Variants in DPP10 observed in about 807,000 individuals in gnomAD.
DPP10 encodes the protein dipeptidyl peptidase like 10.
DPP10 carries 33 observed loss-of-function variants against 120.9 expected under a neutral mutation model. The observed-to-expected ratio is 0.27, with a 90% CI of 0.21 to 0.37. The LOEUF (loss-of-function observed/expected upper bound fraction) is 0.37, where lower values mean the gene tolerates loss of function less well. Ranked by LOEUF, DPP10 falls within the 10% of genes least tolerant of loss-of-function variation. The probability of loss-of-function intolerance (pLI) is 1.00; values close to 1 mark genes in which losing one functional copy is unlikely to be tolerated. For missense variants in DPP10, 816 were observed against 942.8 expected (o/e 0.87, Z 1.76); for synonymous variants, 337 against 326.1 (o/e 1.03, Z -0.36).
chr2:114,964,815 A>C (rs987486211), intron 1 of DPP10, among the ~76,000 whole-genome samples: 2 of 152,212 alleles, frequency 1.3e-5, no homozygotes, highest in African/African-American at 4.8e-5. Context: ...AGTTTGTTAC[A>C]TTGAGAATAG....
chr2:115,313,773 G>C (rs1032688788), intron 2 of DPP10, among the ~76,000 whole-genome samples: 3 of 152,142 alleles, frequency 2.0e-5, no homozygotes, highest in Non-Finnish European at 2.9e-5. Flanking sequence ...TATTTTTGAA[G>C]AATAGGCTAT....
chr2:115,312,261 C>A (rs2061609388), intron 2 of DPP10, among the ~76,000 whole-genome samples: 1 of 152,084 alleles, frequency 6.6e-6, no homozygotes, highest in Admixed American at 6.6e-5. Context: ...AAACTCAATG[C>A]CCTCAAGTGC....
At chr2:114,659,295 G>C (rs1027234840) in intron 1 of DPP10, among the ~76,000 whole-genome samples, 37 of 151,844 alleles carry the variant, frequency 2.4e-4, no homozygotes, top group Admixed American at 2.4e-3. Flanking sequence ...TATGAGAAGA[G>C]GCCGTGGATA....
rs761539475 is a variant in DPP10 at position 115,117,809 on chromosome 2, C to T, written c.61-191430C>T. 1.1e-4 allele frequency among the ~76,000 whole-genome samples: 16 copies of T among 152,114 alleles called. 1 individual carries two copies. In the Middle Eastern group the frequency reaches 0.02, roughly 194 times the overall value. On this transcript the variant is annotated intron_variant, in intron 1 of 25. Coordinates refer to ENST00000410059, the MANE Select transcript of DPP10 (RefSeq NM_020868.6). ...CAACTAGACAAGGAACCTTAAGGGTCGGGGAGGGGAGGAAATACTTGGATG... is the reference window on the plus strand; with the variant it reads ...CAACTAGACAAGGAACCTTAAGGGTTGGGGAGGGGAGGAAATACTTGGATG...
chr2:115,085,610 G>C (rs1043893951), intron 1 of DPP10, among the ~76,000 whole-genome samples: 2 of 152,132 alleles, frequency 1.3e-5, no homozygotes, highest in Admixed American at 1.3e-4. Context: ...GCAGGTAGTG[G>C]CCAGTGCCAC....
chr2:115,369,027 C>G (rs1163922286), intron 3 of DPP10, among the ~76,000 whole-genome samples: 3 of 151,890 alleles, frequency 2.0e-5, no homozygotes, highest in Non-Finnish European at 4.4e-5. Context: ...AGGATAGGCT[C>G]TGCATATATT....
At chr2:115,133,129 GTGTGTGTGTGTGTGTGTATATA>G (rs1166214651) in intron 1 of DPP10, among the ~76,000 whole-genome samples, 1 of 61,828 alleles carries the variant, frequency 1.6e-5, no homozygotes, top group Non-Finnish European at 3.0e-5. Flanking sequence ...GTGTGTGTGT[GTGTGTGTGTGTGTGTGTATATA>G]TATATATATA....
chr2:114,529,675 C>A (rs908517954), intron 1 of DPP10, among the ~76,000 whole-genome samples: 6 of 152,122 alleles, frequency 3.9e-5, no homozygotes, highest in African/African-American at 4.8e-5. Context: ...GTGTTACATT[C>A]CTTTTTAAAA....
chr2:114,999,252 G>C (rs62164470), intron 1 of DPP10, among the ~76,000 whole-genome samples: 35,180 of 152,046 alleles, frequency 0.23, 4,809 homozygotes, highest in Non-Finnish European at 0.3. Context: ...AGAGAGATCT[G>C]TAGTTTTGAG....
chr2:115,488,892 AAAAAAAAAT>A (rs1320208684), intron 3 of DPP10, among the ~76,000 whole-genome samples: 2 of 151,406 alleles, frequency 1.3e-5, no homozygotes, highest in Admixed American at 6.6e-5. Flanking sequence ...AAAAAAAAAA[AAAAAAAAAT>A]ATGTATCTCT....
At chr2:115,455,728 A>G (rs2073475421) in intron 3 of DPP10, among the ~76,000 whole-genome samples, 2 of 152,154 alleles carry the variant, frequency 1.3e-5, no homozygotes, top group South Asian at 4.1e-4. Context: ...AGAATTCCCT[A>G]TTTAATAAAT....
chr2:115,367,627 AT>A (rs1243853490), intron 3 of DPP10, among the ~76,000 whole-genome samples: 1 of 152,016 alleles, frequency 6.6e-6, no homozygotes, highest in East Asian at 1.9e-4. Flanking sequence ...AGATCCTAGG[AT>A]TAATAAATCA....
intron 1 of DPP10, among the ~76,000 whole-genome samples, chr2:114,725,721 CT>C (rs1186830127): frequency 2.0e-5 from 3 of 152,286 alleles, no homozygotes; most frequent in African/African-American, 7.2e-5. Flanking sequence ...CCTTATGTCT[CT>C]TTTACAGAAG....
intron 4 of DPP10, among the ~76,000 whole-genome samples, chr2:115,503,163 C>T (rs2076772448): frequency 6.6e-6 from 1 of 152,010 alleles, no homozygotes; most frequent in African/African-American, 2.4e-5. Flanking sequence ...CAGAATGATT[C>T]CAAGCAAAAT....
intron 7 of DPP10, among the ~76,000 whole-genome samples, chr2:115,712,051 T>G (rs550308690): frequency 6.6e-6 from 1 of 151,366 alleles, no homozygotes; most frequent in Non-Finnish European, 1.5e-5. Context: ...GGGATGGTTT[T>G]GGGAGATTTA....
At chr2:114,711,659 G>C (rs1701038431) in intron 1 of DPP10, among the ~76,000 whole-genome samples, 1 of 152,050 alleles carries the variant, frequency 6.6e-6, no homozygotes, top group African/African-American at 2.4e-5. Context: ...CTGACCCTTT[G>C]TTTTTACTCT....
chr2:114,699,707 G>C (rs1211281957), intron 1 of DPP10, among the ~76,000 whole-genome samples: 3 of 152,060 alleles, frequency 2.0e-5, no homozygotes, highest in Non-Finnish European at 4.4e-5. Flanking sequence ...TGTGGGACTT[G>C]AAGGTTTCCC....
intron 1 of DPP10, among the ~76,000 whole-genome samples, chr2:114,639,606 T>C (rs1019233218): frequency 6.6e-6 from 1 of 151,838 alleles, no homozygotes; most frequent in African/African-American, 2.4e-5. Context: ...TCATGCAATA[T>C]ACGCATTTAA....
chr2:114,903,548 G>T (rs1159360445), intron 1 of DPP10, among the ~76,000 whole-genome samples: 2 of 152,140 alleles, frequency 1.3e-5, no homozygotes, highest in Non-Finnish European at 2.9e-5. Context: ...GGGGAGAAGA[G>T]ATTCTTTGTC....
Sources: allele counts gnomAD v4.1 joint callset (sites outside exome capture counted in the v4.1 genomes callset), GRCh38; gene constraint gnomAD v4.1.1; transcripts MANE v1.5; gene names NCBI Gene and HGNC (gene_info 2026-07-23, HGNC 2026-07-21).